The following MYOZ2 variants were observed in gnomAD, a reference collection of about 807,000 sequenced individuals.
MYOZ2 encodes the protein myozenin-2.
A neutral mutation model predicts 25.4 loss-of-function variants in MYOZ2; 19 were observed. The observed-to-expected ratio is 0.75, with a 90% confidence interval of 0.52 to 1.10. The LOEUF (loss-of-function observed/expected upper bound fraction) is 1.10. MYOZ2 is among the 50% of genes least tolerant of loss of function. MYOZ2 has a pLI of 0.00. For missense variants in MYOZ2, 270 were observed against 317.9 expected, an observed-to-expected ratio of 0.85 and a Z score of 1.15; for synonymous variants, 92 against 106.9, an observed-to-expected ratio of 0.86 and a Z score of 0.86.
At chr4:119,167,439 A>T (rs1741847505) in intron 5 of MYOZ2, among the ~76,000 whole-genome samples, 1 of 152,168 alleles carries the variant, frequency 6.6e-6, no homozygotes. Flanking sequence ...CTGAGGAAAG[A>T]CGCCATCTTC....
In MYOZ2 at chr4:119,158,115, C is replaced by A; in HGVS notation, c.340C>A (p.Pro114Thr). 6.2e-7 allele frequency: 1 copy of A among 1,614,058 alleles called. No individual in the cohort carries two copies. Among genetic ancestry groups the A allele is most frequent in the Non-Finnish European group, 8.5e-7 (1 of 1,179,982 alleles). The change falls in exon 4 of 6, where the codon CCA becomes ACA. Residue 114 changes from proline to threonine, a missense_variant. Coordinates refer to ENST00000307128, the MANE Select transcript of MYOZ2 (RefSeq NM_016599.5). ...CTTGACTCCTCCCAACACCCCAGAT[C>A]CACGAAGCCCTCCAAATCCAGACAA... is the stretch of plus-strand genomic sequence containing the variant. ...APLTPPNTPD[P>T]RSPPNPDNIA...
intron 5 of MYOZ2, among the ~76,000 whole-genome samples, chr4:119,171,520 T>G (rs1037123807): frequency 6.6e-6 from 1 of 151,810 alleles, no homozygotes; most frequent in African/African-American, 2.4e-5. Context: ...CAGAACAAAA[T>G]CTAGTCATTT....
At chr4:119,164,639 A>G (rs1295865297) in intron 5 of MYOZ2, among the ~76,000 whole-genome samples, 3 of 152,234 alleles carry the variant, frequency 2.0e-5, no homozygotes, top group Non-Finnish European at 4.4e-5. Context: ...CATTGGTATA[A>G]CATCAAGATT....
At chr4:119,151,179 A>G in intron 3 of MYOZ2, 138 bp downstream of exon 3, 1 of 901,162 alleles carries the variant, frequency 1.1e-6, no homozygotes, top group Non-Finnish European at 1.7e-6. Context: ...TTTTATCATA[A>G]TGAATAGTTT....
intron 5 of MYOZ2, among the ~76,000 whole-genome samples, chr4:119,183,509 A>G: frequency 6.6e-6 from 1 of 152,148 alleles, no homozygotes; most frequent in Admixed American, 6.5e-5. Flanking sequence ...GAAAGTGAAT[A>G]GGGCAAAACC....
intron 3 of MYOZ2, among the ~76,000 whole-genome samples, chr4:119,153,401 CAAAGATAAAT>C (rs888252458): frequency 4.6e-5 from 7 of 151,936 alleles, no homozygotes; most frequent in Admixed American, 2.6e-4. Context: ...GCTGCAAGCT[CAAAGATAAAT>C]AAATACAGGT....
rs60631510 is a variant in MYOZ2, at chr4:119,163,252, T to C, written c.377-959T>C. ...TTTTTGGAGGAGACAAACATTTTAG[T>C]GTAAAGAGGAGATAGGCATGCTTTG... On this transcript the variant is annotated intron_variant, in intron 4 of 5. Coordinates refer to ENST00000307128, the MANE Select transcript of MYOZ2 (RefSeq NM_016599.5). 6.8e-3 allele frequency among the ~76,000 whole-genome samples: 1,031 copies of C among 151,994 alleles called. 70 individuals are homozygous for C. The East Asian group carries it at 0.15, about 22-fold the overall frequency.
chr4:119,180,892 C>T lies in MYOZ2; in HGVS notation c.561-5074C>T, dbSNP rs117876714. 2.1e-3 allele frequency among the ~76,000 whole-genome samples: 321 copies of T among 152,220 alleles called. 3 individuals carry two copies. In the East Asian group the frequency reaches 0.034, roughly 16 times the overall value. On this transcript the variant is annotated intron_variant, in intron 5 of 5. Transcript: ENST00000307128. ...TTTTAAAGTGGCTTTATTCTTATTG[C>T]CAGTACTTTTTATATTATGCTACTT... is the stretch of plus-strand genomic sequence containing the variant.
Position 119,170,283 on chromosome 4 carries a change from GTT to G in MYOZ2, c.560+5900_560+5901del, listed in dbSNP as rs35293972. Among the ~76,000 whole-genome samples the G allele has an allele frequency of 1.1e-3, 154 of 143,224 alleles. 1 individual carries two copies. The highest frequency in any genetic ancestry group is 9.8e-3 in the East Asian group (49 of 4,976). The allele number at this position is 143,224 out of a possible 152,430, so 94.0% of individuals were successfully genotyped here. On this transcript the variant is annotated intron_variant, in intron 5 of 5. Coordinates refer to ENST00000307128, the MANE Select transcript of MYOZ2 (RefSeq NM_016599.5). ...TAAATAGAATCCTACAGTATTTGTT[GTT>G]TTTTTTTTTTGTGGCTGGCTTATTT...
At chr4:119,180,609 G>A (rs1219405636) in intron 5 of MYOZ2, among the ~76,000 whole-genome samples, 8 of 152,164 alleles carry the variant, frequency 5.3e-5, no homozygotes, top group South Asian at 2.1e-4. Context: ...GCTGGAGTGC[G>A]GTGGTGCGAT....
intron 5 of MYOZ2, among the ~76,000 whole-genome samples, chr4:119,181,046 T>C (rs905090177): frequency 1.3e-5 from 2 of 152,222 alleles, no homozygotes; most frequent in African/African-American, 2.4e-5. Context: ...AATAATTACC[T>C]GGTCACAGTC....
intron 5 of MYOZ2, among the ~76,000 whole-genome samples, chr4:119,175,759 A>G (rs1742059050): frequency 6.6e-6 from 1 of 152,110 alleles, no homozygotes; most frequent in Non-Finnish European, 1.5e-5. Flanking sequence ...CTTAAAAAAA[A>G]AAAAAAAATT....
intron 5 of MYOZ2, among the ~76,000 whole-genome samples, chr4:119,166,234 A>G (rs1741821058): frequency 1.3e-5 from 2 of 152,196 alleles, no homozygotes; most frequent in Admixed American, 6.5e-5. Flanking sequence ...TGATACATAG[A>G]CAGCCCAAAC....
intron 5 of MYOZ2, among the ~76,000 whole-genome samples, chr4:119,184,847 G>A (rs1742259224): frequency 6.6e-6 from 1 of 152,212 alleles, no homozygotes. Context: ...ACCTAAAAGA[G>A]TTTATAATTC....
intron 2 of MYOZ2, among the ~76,000 whole-genome samples, chr4:119,143,827 T>C (rs930168149): frequency 6.6e-6 from 1 of 152,226 alleles, no homozygotes; most frequent in Non-Finnish European, 1.5e-5. Context: ...GACTGGCTTC[T>C]TTTACTTAGA....
At chr4:119,180,573 G>A (rs1742166789) in intron 5 of MYOZ2, among the ~76,000 whole-genome samples, 1 of 151,968 alleles carries the variant, frequency 6.6e-6, no homozygotes, top group Non-Finnish European at 1.5e-5. Context: ...ATATTTTTTT[G>A]AGATGGAATT....
rs563705742 is a variant in MYOZ2 at position 119,185,499 on chromosome 4, G to C, written c.561-467G>C. On this transcript the variant is annotated intron_variant, in intron 5 of 5. Coordinates refer to ENST00000307128, the MANE Select transcript of MYOZ2 (RefSeq NM_016599.5). ...CCGGCTAATTTTTGTAATTTTAGTA[G>C]AGACAGGATTTTGCCATGTTGGCCA... Among the ~76,000 whole-genome samples, 29 of 152,236 alleles carry C rather than the reference G, an allele frequency of 1.9e-4. 1 individual carries two copies. In the South Asian group the frequency reaches 3.9e-3, roughly 21 times the overall value.
intron 5 of MYOZ2, among the ~76,000 whole-genome samples, chr4:119,174,185 G>T (rs1252699660): frequency 6.6e-6 from 1 of 152,250 alleles, no homozygotes; most frequent in African/African-American, 2.4e-5. Context: ...CACGGCGCAG[G>T]ACTGGCAGGC....
chr4:119,181,465 G>A (rs1395345042), intron 5 of MYOZ2, among the ~76,000 whole-genome samples: 2 of 152,060 alleles, frequency 1.3e-5, no homozygotes, highest in Non-Finnish European at 2.9e-5. Flanking sequence ...ACATAATTTA[G>A]TATGCCTTTC....
Sources: gnomAD v4.1 joint callset for allele counts (sites outside exome capture counted in the v4.1 genomes callset) on GRCh38, gnomAD v4.1.1 for gene constraint, MANE v1.5 for transcripts, NCBI Gene and HGNC (gene_info 2026-07-23, HGNC 2026-07-21) for gene names.